Variants in PRKCA observed in about 807,000 individuals in gnomAD.
PRKCA encodes the protein protein kinase C alpha type.
A neutral mutation model predicts 87.0 loss-of-function variants in PRKCA; 27 were observed. That is an observed-to-expected ratio of 0.31 (90% CI 0.23 to 0.43). The LOEUF (loss-of-function observed/expected upper bound fraction) is 0.43. PRKCA is among the 20% of genes least tolerant of loss of function. PRKCA has a pLI of 1.00. For synonymous variants in PRKCA, 329 were observed against 311.1 expected (o/e 1.06, Z -0.61); for missense variants, 518 against 852.3 (o/e 0.61, Z 4.88).
intron 2 of PRKCA, among the ~76,000 whole-genome samples, chr17:66,461,424 G>C (rs1914848945): frequency 6.6e-6 from 1 of 152,110 alleles, no homozygotes. Flanking sequence ...GCAATAGTGA[G>C]ATGTTCTATA....
chr17:66,627,050 A>C (rs1373117640), intron 3 of PRKCA, among the ~76,000 whole-genome samples: 2 of 152,230 alleles, frequency 1.3e-5, no homozygotes, highest in African/African-American at 4.8e-5. Context: ...TTGTTGTGGC[A>C]AACAGTGCTG....
intron 8 of PRKCA, among the ~76,000 whole-genome samples, chr17:66,729,774 G>C (rs1973840092): frequency 1.7e-5 from 2 of 117,426 alleles, no homozygotes; most frequent in Non-Finnish European, 3.5e-5. Context: ...GTATGAGCGA[G>C]TTATTCTTTT....
At chr17:66,511,425 T>C (rs1361199426) in intron 3 of PRKCA, among the ~76,000 whole-genome samples, 1 of 152,190 alleles carries the variant, frequency 6.6e-6, no homozygotes, top group Non-Finnish European at 1.5e-5. Context: ...GCAGGGCTGC[T>C]CTCTTTTGCA....
intron 3 of PRKCA, among the ~76,000 whole-genome samples, chr17:66,553,814 G>A (rs1255325509): frequency 6.6e-6 from 1 of 152,134 alleles, no homozygotes; most frequent in Non-Finnish European, 1.5e-5. Context: ...GTAAGACATG[G>A]CCTCTCATTA....
At chr17:66,497,893 C>T (rs887695422) in intron 3 of PRKCA, among the ~76,000 whole-genome samples, 16 of 152,214 alleles carry the variant, frequency 1.1e-4, no homozygotes, top group Admixed American at 3.3e-4. Context: ...TGCACGGGAA[C>T]ATGCACAATG....
At chr17:66,729,371 T>G (rs2144190017) in intron 8 of PRKCA, among the ~76,000 whole-genome samples, 1 of 152,284 alleles carries the variant, frequency 6.6e-6, no homozygotes, top group Non-Finnish European at 1.5e-5. Context: ...ACCACTGCAC[T>G]CCAGCCTGGG....
intron 2 of PRKCA, among the ~76,000 whole-genome samples, chr17:66,481,982 TC>T (rs1915796564): frequency 6.6e-6 from 1 of 150,604 alleles, no homozygotes; most frequent in African/African-American, 2.4e-5. Flanking sequence ...GCACCTGTAA[TC>T]CCAGCTGTGT....
intron 3 of PRKCA, among the ~76,000 whole-genome samples, chr17:66,593,778 C>T (rs2143554123): frequency 6.6e-6 from 1 of 152,280 alleles, no homozygotes; most frequent in Middle Eastern, 3.4e-3. Context: ...GCAGACATCT[C>T]TTGGTGTAAA....
intron 3 of PRKCA, among the ~76,000 whole-genome samples, chr17:66,510,348 A>T (rs1917170687): frequency 6.6e-6 from 1 of 152,220 alleles, no homozygotes; most frequent in South Asian, 2.1e-4. Context: ...ATTATGCAAG[A>T]TGCCCACTGA....
chr17:66,557,486 G>A, intron 3 of PRKCA, among the ~76,000 whole-genome samples: 1 of 151,556 alleles, frequency 6.6e-6, no homozygotes. Context: ...AATTATGCAA[G>A]TCTTAAAATG....
intron 2 of PRKCA, among the ~76,000 whole-genome samples, chr17:66,482,797 G>GT (rs1348016356): frequency 4.6e-5 from 7 of 152,214 alleles, no homozygotes; most frequent in African/African-American, 1.7e-4. Context: ...TTCTGACTGT[G>GT]TTAAACTCAT....
chr17:66,332,950 C>G (rs892272226), intron 2 of PRKCA, among the ~76,000 whole-genome samples: 1 of 152,164 alleles, frequency 6.6e-6, no homozygotes, highest in Non-Finnish European at 1.5e-5. Context: ...CTTGGCCTCC[C>G]GAAGTGCTGG....
chr17:66,383,887 T>G lies in PRKCA; in HGVS notation c.205+77760T>G, dbSNP rs569625631. Reference sequence around the variant, plus strand: ...ATAGCTTGAACCTGGGAGGCAGAGGTTGTAGTGAGCCGAGATGGTGCCACT... The same window carrying G: ...ATAGCTTGAACCTGGGAGGCAGAGGGTGTAGTGAGCCGAGATGGTGCCACT... On this transcript the variant is annotated intron_variant, in intron 2 of 16. Coordinates refer to ENST00000413366, the MANE Select transcript of PRKCA (RefSeq NM_002737.3). Among the ~76,000 whole-genome samples the G allele has an allele frequency of 2.0e-5, 3 of 152,032 alleles. No individual in the cohort carries two copies. In the East Asian group the frequency reaches 5.8e-4, roughly 29 times the overall value.
At chr17:66,557,798 C>T (rs915315673) in intron 3 of PRKCA, among the ~76,000 whole-genome samples, 3 of 152,038 alleles carry the variant, frequency 2.0e-5, no homozygotes, top group Non-Finnish European at 2.9e-5. Flanking sequence ...TGGTAAAATC[C>T]ATCTGGGCAG....
At chr17:66,479,657 T>G (rs1915689458) in intron 2 of PRKCA, among the ~76,000 whole-genome samples, 1 of 152,186 alleles carries the variant, frequency 6.6e-6, no homozygotes, top group Admixed American at 6.5e-5. Flanking sequence ...ATATACACCA[T>G]GGAATACTAT....
rs1472055006 is a variant in PRKCA, at chr17:66,764,462, CT to C, written c.1525-9524del. On this transcript the variant is annotated intron_variant, in intron 13 of 16. Coordinates refer to ENST00000413366, the MANE Select transcript of PRKCA (RefSeq NM_002737.3). ...CTTGTACAAGACAAGAAGCTACCCC[CT>C]GGTCCCTTTCATGCCCTGGTCCTGT... Among the ~76,000 whole-genome samples the C allele has an allele frequency of 3.3e-5, 5 of 152,320 alleles. No individual in the cohort carries two copies. The East Asian group carries it at 7.7e-4, about 24-fold the overall frequency.
intron 13 of PRKCA, among the ~76,000 whole-genome samples, chr17:66,760,164 A>C (rs1260035375): frequency 6.6e-6 from 1 of 152,224 alleles, no homozygotes; most frequent in Non-Finnish European, 1.5e-5. Flanking sequence ...CTGTGCTGTA[A>C]AACACACCTT....
intron 3 of PRKCA, among the ~76,000 whole-genome samples, chr17:66,613,439 A>G (rs1383015341): frequency 6.6e-6 from 1 of 152,202 alleles, no homozygotes; most frequent in Non-Finnish European, 1.5e-5. Flanking sequence ...TAGTTTCCTA[A>G]AGCTGCTGCA....
intron 2 of PRKCA, among the ~76,000 whole-genome samples, chr17:66,466,899 T>C (rs1280456573): frequency 2.0e-5 from 3 of 152,082 alleles, no homozygotes; most frequent in Admixed American, 2.0e-4. Flanking sequence ...CTTAAATTAC[T>C]CATGCCCTCA....
Sources: gnomAD v4.1 joint callset for allele counts (sites outside exome capture counted in the v4.1 genomes callset) on GRCh38, gnomAD v4.1.1 for gene constraint, MANE v1.5 for transcripts, NCBI Gene and HGNC (gene_info 2026-07-23, HGNC 2026-07-21) for gene names.